The following TEKTL1 variants were observed in gnomAD, a reference collection of about 807,000 sequenced individuals.
The protein encoded by TEKTL1 is tektin like 1.
the TEKTL1 span, among the ~76,000 whole-genome samples, chr19:15,016,420 C>T: frequency 1.6e-5 from 1 of 61,506 alleles, no homozygotes; most frequent in Non-Finnish European, 3.4e-5. Flanking sequence ...AAACTCCTGA[C>T]CTCGTGACCA....
At chr19:15,011,449 C>T in the TEKTL1 span, 3 of 1,343,764 alleles carry the variant, frequency 2.2e-6, no homozygotes, top group Non-Finnish European at 2.9e-6. Context: ...CTGAGGCCTC[C>T]GCTATGCGGT....
chr19:15,010,828 G>A, the TEKTL1 span: 8 of 1,535,350 alleles, frequency 5.2e-6, no homozygotes, highest in Admixed American at 6.0e-5. Context: ...CAGGGACCAT[G>A]CGCGTGTTGG....
chr19:15,021,396 G>A, the TEKTL1 span: 1 of 1,614,250 alleles, frequency 6.2e-7, no homozygotes, highest in South Asian at 1.1e-5. Flanking sequence ...TGTTGGTCGA[G>A]TCCAAGGACA....
chr19:15,011,399 G>A, the TEKTL1 span: 2 of 1,420,288 alleles, frequency 1.4e-6, no homozygotes, highest in Non-Finnish European at 1.8e-6. Flanking sequence ...TGAGAAGGTG[G>A]GACCCTCCCC....
the TEKTL1 span, chr19:15,011,056 G>T: frequency 6.3e-7 from 1 of 1,577,780 alleles, no homozygotes; most frequent in Non-Finnish European, 8.6e-7. Context: ...GCGTGGAGAT[G>T]ATCAAAGGCG....
At chr19:15,013,585 G>C in the TEKTL1 span, 1 of 952,344 alleles carries the variant, frequency 1.1e-6, no homozygotes. Context: ...AGTTTATGAG[G>C]CTGGCAAACC....
At chr19:15,014,810 T>G in the TEKTL1 span, among the ~76,000 whole-genome samples, 4 of 151,710 alleles carry the variant, frequency 2.6e-5, no homozygotes, top group Non-Finnish European at 5.9e-5. Flanking sequence ...GTCATATTCC[T>G]TTAAATCTGA....
the TEKTL1 span, among the ~76,000 whole-genome samples, chr19:15,013,026 C>G: frequency 6.6e-6 from 1 of 152,086 alleles, no homozygotes; most frequent in Non-Finnish European, 1.5e-5. Flanking sequence ...AGAAGTCCTC[C>G]CTACAGAGAG....
chr19:15,012,929 C>A, the TEKTL1 span, among the ~76,000 whole-genome samples: 5 of 68,406 alleles, frequency 7.3e-5, no homozygotes, highest in Non-Finnish European at 1.8e-4. Flanking sequence ...AGGTGAAACT[C>A]CCCCCCAGAA....
the TEKTL1 span, chr19:15,023,204 C>T: frequency 8.0e-7 from 1 of 1,247,556 alleles, no homozygotes; most frequent in Admixed American, 2.8e-5. Flanking sequence ...GGCCCTCCCT[C>T]TCCCCTGACG....
At chr19:15,020,606 G>A in the TEKTL1 span, 82 of 1,613,958 alleles carry the variant, frequency 5.1e-5, no homozygotes, top group East Asian at 1.6e-4. Context: ...CCCACTCCAC[G>A]CACACAGGGT....
chr19:15,015,700 A>G, the TEKTL1 span, among the ~76,000 whole-genome samples: 5 of 149,946 alleles, frequency 3.3e-5, no homozygotes, highest in Non-Finnish European at 4.5e-5. Flanking sequence ...AAGATTCTAT[A>G]TAAATGAATG....
chr19:15,011,496 G>A, the TEKTL1 span: 3 of 1,077,394 alleles, frequency 2.8e-6, no homozygotes, highest in African/African-American at 3.3e-5. Flanking sequence ...TACTTTGGGA[G>A]GCCAAGGCTG....
chr19:15,020,523 C>T, the TEKTL1 span: 2 of 1,614,006 alleles, frequency 1.2e-6, no homozygotes, highest in South Asian at 1.1e-5. Flanking sequence ...AAGCCGTGGA[C>T]CTCATGAACC....
the TEKTL1 span, chr19:15,022,972 C>G: frequency 6.2e-7 from 1 of 1,613,544 alleles, no homozygotes; most frequent in Admixed American, 1.7e-5. Flanking sequence ...ACTGCAAGAA[C>G]ATCGGGCATG....
the TEKTL1 span, among the ~76,000 whole-genome samples, chr19:15,019,047 C>T: frequency 6.6e-6 from 1 of 152,084 alleles, no homozygotes; most frequent in East Asian, 1.9e-4. Context: ...CTCCTGGGCT[C>T]AGGTGACCCC....
At chr19:15,023,121 G>A in the TEKTL1 span, 24 of 1,589,350 alleles carry the variant, frequency 1.5e-5, no homozygotes, top group Non-Finnish European at 2.1e-5. Flanking sequence ...GACCCCTAGT[G>A]ACCCCAGCGT....
the TEKTL1 span, chr19:15,011,155 G>C: frequency 7.2e-6 from 11 of 1,526,730 alleles, no homozygotes; most frequent in Admixed American, 2.2e-5. Context: ...CCCGCCTGCC[G>C]CTACCCTTGC....
chr19:15,015,151 C>A, the TEKTL1 span, among the ~76,000 whole-genome samples: 1 of 152,112 alleles, frequency 6.6e-6, no homozygotes, highest in African/African-American at 2.4e-5. Flanking sequence ...CATACCTCTG[C>A]GCTCCAGTCT....
Sources: gnomAD v4.1 joint callset for allele counts (sites outside exome capture counted in the v4.1 genomes callset) on GRCh38, gnomAD v4.1.1 for gene constraint, MANE v1.5 for transcripts, NCBI Gene and HGNC (gene_info 2026-07-23, HGNC 2026-07-21) for gene names.